The following BCL11A variants were observed in gnomAD, a reference collection of about 807,000 sequenced individuals.
BCL11A encodes the protein B cell CLL/lymphoma 11A.
In BCL11A, 2 loss-of-function variants were observed where a neutral mutation model predicts 55.9. That is an observed-to-expected ratio of 0.04 (90% CI 0.01 to 0.11). The LOEUF is 0.11. BCL11A is among the 10% of genes least tolerant of loss of function. The probability of loss-of-function intolerance (pLI) is 1.00; values close to 1 mark genes in which losing one functional copy is unlikely to be tolerated. For missense variants in BCL11A, 817 were observed against 1,137.1 expected (o/e 0.72, Z 4.05); for synonymous variants, 465 against 473.4 (o/e 0.98, Z 0.23).
At chr2:60,467,075 G>T (rs1454254361) in intron 3 of BCL11A, among the ~76,000 whole-genome samples, 1 of 149,904 alleles carries the variant, frequency 6.7e-6, no homozygotes, top group Admixed American at 6.6e-5. Flanking sequence ...GGTGGCAGTG[G>T]TGGTGGTGGT....
Position 60,459,532 on chromosome 2 carries a change from T to C in BCL11A, c.*872A>G. On this transcript the variant is annotated 3_prime_UTR_variant, in exon 4 of 4. Transcript: ENST00000642384. The stretch of plus-strand genomic sequence containing the variant: ...TGATTAACTAGGACATAATGGGTCA[T>C]CTTTTTAGGTAGCCATTGTTGTGAG... 9.8e-7 allele frequency: 1 copy of C among 1,024,032 alleles called. No homozygotes were observed. Among genetic ancestry groups the C allele is most frequent in the Non-Finnish European group, 1.2e-6 (1 of 852,654 alleles). The allele number at this position is 1,024,032 out of a possible 1,614,324, so 63.4% of individuals were successfully genotyped here.
At chr2:60,529,975 C>T (rs551142123) in intron 2 of BCL11A, among the ~76,000 whole-genome samples, 2 of 152,264 alleles carry the variant, frequency 1.3e-5, no homozygotes, top group South Asian at 4.1e-4. Flanking sequence ...ATTACTTCGC[C>T]ACTTGTGGCA....
intron 2 of BCL11A, among the ~76,000 whole-genome samples, chr2:60,477,951 T>C (rs1028799995): frequency 6.7e-6 from 1 of 150,216 alleles, no homozygotes; most frequent in African/African-American, 2.5e-5. Context: ...CTGGCCTTTA[T>C]GGAAAGCTTT....
intron 2 of BCL11A, among the ~76,000 whole-genome samples, chr2:60,488,701 CA>C (rs1380868248): frequency 6.6e-6 from 1 of 152,148 alleles, no homozygotes; most frequent in Non-Finnish European, 1.5e-5. Flanking sequence ...GCCAAAGATC[CA>C]AAAACAGCCT....
At chr2:60,541,666 A>G (rs1267895005) in intron 2 of BCL11A, 1 of 405,928 alleles carries the variant, frequency 2.5e-6, no homozygotes, top group African/African-American at 2.1e-5. Flanking sequence ...CTAGGTACTT[A>G]TTAGAAAACA....
chr2:60,457,787 AC>A lies in BCL11A; in HGVS notation c.*2616del. The A allele has an allele frequency of 9.6e-7, 1 of 1,043,162 alleles. No individual in the cohort carries two copies. Among genetic ancestry groups the A allele is most frequent in the Non-Finnish European group, 1.2e-6 (1 of 865,112 alleles). 64.6% of individuals were successfully genotyped at this position (1,043,162 alleles called of 1,614,324 possible). On this transcript the variant is annotated 3_prime_UTR_variant, in exon 4 of 4. Transcript: ENST00000642384. ...AAAAAGCACACTACATAACAAACCA[AC>A]GTTATTAGCTTGCAGTACTGCATAC...
At chr2:60,454,665 A>G (rs1450284640), downstream of BCL11A, among the ~76,000 whole-genome samples, 4 of 152,202 alleles carry the variant, frequency 2.6e-5, no homozygotes, top group Non-Finnish European at 5.9e-5. Flanking sequence ...AAGTACTACA[A>G]GCAGGAGAGG....
intron 2 of BCL11A, among the ~76,000 whole-genome samples, chr2:60,492,358 C>A (rs1678686089): frequency 1.3e-5 from 2 of 149,882 alleles, no homozygotes; most frequent in South Asian, 4.2e-4. Context: ...CACAGCGAGA[C>A]CCTGTCTCAA....
intron 1 of BCL11A, among the ~76,000 whole-genome samples, chr2:60,548,528 G>A (rs1194318826): frequency 2.6e-5 from 4 of 152,192 alleles, no homozygotes; most frequent in East Asian, 1.9e-4. Flanking sequence ...GTAATTCAGA[G>A]GTTGCTGATT....
In BCL11A at chr2:60,462,109, G is replaced by A; in HGVS notation, c.803C>T (p.Pro268Leu). 1 of 1,551,836 alleles carries A rather than the reference G, an allele frequency of 6.4e-7. No homozygotes were observed. The change falls in exon 4 of 4, where the codon CCA (proline) becomes CTA (leucine). Residue 268 changes from proline to leucine, a missense_variant. Coordinates refer to ENST00000642384, the MANE Select transcript of BCL11A (RefSeq NM_022893.4). ...GGGGTCCAAGTGATGTCTCGGTGGT[G>A]GACTAAACAGGGGGGGAGTGGGTGG... is the stretch of plus-strand genomic sequence containing the variant. The part of the protein sequence containing the change: ...RFPPTPPLFS[P>L]PPRHHLDPHR...
At chr2:60,520,470 TAA>T (rs1424053432) in intron 2 of BCL11A, among the ~76,000 whole-genome samples, 3 of 152,230 alleles carry the variant, frequency 2.0e-5, no homozygotes, top group Non-Finnish European at 4.4e-5. Flanking sequence ...ATCTAGATTA[TAA>T]AAGTAAAGAG....
chr2:60,523,168 C>T (rs72964414), intron 2 of BCL11A, among the ~76,000 whole-genome samples: 5,975 of 152,270 alleles, frequency 0.039, 385 homozygotes, highest in African/African-American at 0.14. Context: ...AAAATACACT[C>T]ATGGCAGAAC....
intron 2 of BCL11A, among the ~76,000 whole-genome samples, chr2:60,490,276 C>T (rs1226617659): frequency 1.3e-5 from 2 of 152,190 alleles, no homozygotes; most frequent in Admixed American, 6.5e-5. Context: ...AGAGTCCTCA[C>T]TTAACATCCC....
chr2:60,507,557 C>T (rs947134517), intron 2 of BCL11A, among the ~76,000 whole-genome samples: 5 of 152,092 alleles, frequency 3.3e-5, no homozygotes, highest in African/African-American at 1.2e-4. Context: ...GAAATGAGGA[C>T]AGGCAAGGGG....
chr2:60,496,358 T>C (rs542501895), intron 2 of BCL11A, among the ~76,000 whole-genome samples: 1 of 152,210 alleles, frequency 6.6e-6, no homozygotes, highest in Non-Finnish European at 1.5e-5. Flanking sequence ...ATGAGGCAAG[T>C]GTCCAGGGCA....
chr2:60,467,230 GGTGGTAGTGATGGTGGTGGTA>G (rs1676733805), intron 3 of BCL11A, among the ~76,000 whole-genome samples: 1 of 126,408 alleles, frequency 7.9e-6, no homozygotes, highest in East Asian at 2.4e-4. Context: ...TGATGGTGGT[GGTGGTAGTGATGGTGGTGGTA>G]ATGGTGGTGG....
chr2:60,466,203 A>G (rs141855971), intron 3 of BCL11A, among the ~76,000 whole-genome samples: 1 of 152,170 alleles, frequency 6.6e-6, no homozygotes, highest in Admixed American at 6.5e-5. Context: ...CTACCAGTCA[A>G]ATCAAACTCC....
At chr2:60,498,845 C>A (rs970229291) in intron 2 of BCL11A, among the ~76,000 whole-genome samples, 2 of 151,858 alleles carry the variant, frequency 1.3e-5, no homozygotes, top group Non-Finnish European at 2.9e-5. Flanking sequence ...TATGTATGTA[C>A]CTTATACATA....
intron 2 of BCL11A, among the ~76,000 whole-genome samples, chr2:60,495,224 G>A (rs1040048796): frequency 7.1e-6 from 1 of 141,596 alleles, no homozygotes; most frequent in Non-Finnish European, 1.5e-5. Context: ...CCCCACCCAC[G>A]CCCCCACCCT....
Sources: gnomAD v4.1 joint callset for allele counts (sites outside exome capture counted in the v4.1 genomes callset) on GRCh38, gnomAD v4.1.1 for gene constraint, MANE v1.5 for transcripts, NCBI Gene and HGNC (gene_info 2026-07-23, HGNC 2026-07-21) for gene names.